Variants in MECOM observed in about 807,000 individuals in gnomAD.
MECOM encodes the protein histone-lysine N-methyltransferase MECOM.
Under a neutral mutation model 116.3 loss-of-function variants are expected in MECOM, and 13 were observed. That is an observed-to-expected ratio of 0.11 (90% CI 0.07 to 0.18). MECOM has a LOEUF of 0.18. Among genes scored for constraint, MECOM ranks in the 10% least tolerant of loss-of-function variants. MECOM has a pLI of 1.00. For synonymous variants in MECOM, 528 were observed against 535.2 expected (o/e 0.99, Z 0.19); for missense variants, 1,299 against 1,509.0 (o/e 0.86, Z 2.31).
At chr3:169,201,733 G>A (rs1014778825) in intron 2 of MECOM, among the ~76,000 whole-genome samples, 4 of 152,024 alleles carry the variant, frequency 2.6e-5, no homozygotes, top group Admixed American at 6.6e-5. Context: ...CTAAACGATC[G>A]TACATTTCCA....
chr3:169,637,859 G>A (rs989795087), intron 1 of MECOM, among the ~76,000 whole-genome samples: 1 of 152,198 alleles, frequency 6.6e-6, no homozygotes, highest in African/African-American at 2.4e-5. Flanking sequence ...CACACACAGT[G>A]CAAGGTAATG....
At chr3:169,225,726 C>T (rs1752646760) in intron 2 of MECOM, among the ~76,000 whole-genome samples, 2 of 152,228 alleles carry the variant, frequency 1.3e-5, no homozygotes, top group Admixed American at 6.5e-5. Flanking sequence ...TCTTCTGCCT[C>T]AGCCTCCTGC....
intron 1 of MECOM, among the ~76,000 whole-genome samples, chr3:169,452,757 C>T (rs995972996): frequency 6.6e-6 from 1 of 152,146 alleles, no homozygotes; most frequent in Admixed American, 6.5e-5. Context: ...TGAATGAATA[C>T]CTAATTTGGC....
chr3:169,510,267 C>T (rs1755810967), intron 1 of MECOM, among the ~76,000 whole-genome samples: 1 of 152,278 alleles, frequency 6.6e-6, no homozygotes, highest in South Asian at 2.1e-4. Flanking sequence ...GGAGTGTCCC[C>T]CCACCCCCCT....
chr3:169,395,322 C>A (rs2421647), intron 1 of MECOM, among the ~76,000 whole-genome samples: 86,281 of 152,036 alleles, frequency 0.57, 24,930 homozygotes, highest in East Asian at 0.9. Context: ...AGCCAAAGCA[C>A]ACCAATTTTA....
intron 1 of MECOM, among the ~76,000 whole-genome samples, chr3:169,403,643 T>A (rs1396260394): frequency 6.6e-6 from 1 of 152,208 alleles, no homozygotes; most frequent in Non-Finnish European, 1.5e-5. Flanking sequence ...GAAAAGAGAA[T>A]GACGATAAAT....
At chr3:169,537,696 A>G (rs1199329738) in intron 1 of MECOM, among the ~76,000 whole-genome samples, 1 of 149,598 alleles carries the variant, frequency 6.7e-6, no homozygotes, top group East Asian at 2.0e-4. Context: ...ATATACTGAT[A>G]TAGTACATGC....
intron 2 of MECOM, among the ~76,000 whole-genome samples, chr3:169,205,226 G>T (rs569575941): frequency 1.7e-4 from 26 of 152,272 alleles, no homozygotes; most frequent in African/African-American, 5.3e-4. Flanking sequence ...CAAAAACAGG[G>T]TTTATAATGG....
At chr3:169,190,506 A>T (rs901510634) in intron 2 of MECOM, among the ~76,000 whole-genome samples, 1 of 152,130 alleles carries the variant, frequency 6.6e-6, no homozygotes, top group Non-Finnish European at 1.5e-5. Flanking sequence ...TTGTGACCTC[A>T]TACTGCTTAG....
At chr3:169,220,196 G>T (rs1751957670) in intron 2 of MECOM, among the ~76,000 whole-genome samples, 1 of 151,914 alleles carries the variant, frequency 6.6e-6, no homozygotes, top group African/African-American at 2.4e-5. Flanking sequence ...CAGGCATGGT[G>T]GTGCACACTG....
chr3:169,648,994 G>A (rs1774523773), intron 1 of MECOM, among the ~76,000 whole-genome samples: 1 of 152,156 alleles, frequency 6.6e-6, no homozygotes, highest in Non-Finnish European at 1.5e-5. Flanking sequence ...ACTGCACAAA[G>A]GATAAAATAC....
intron 1 of MECOM, among the ~76,000 whole-genome samples, chr3:169,634,251 C>A (rs531911105): frequency 2.7e-4 from 36 of 134,058 alleles, no homozygotes; most frequent in Admixed American, 1.9e-3. Context: ...AACACACACA[C>A]ACACACACAC....
At chr3:169,621,485 G>A (rs539857201) in intron 1 of MECOM, among the ~76,000 whole-genome samples, 5 of 152,232 alleles carry the variant, frequency 3.3e-5, no homozygotes, top group Middle Eastern at 3.4e-3. Context: ...GGCCGGGCAC[G>A]GTGGCTCACA....
At chr3:169,552,217 A>C (rs995001243) in intron 1 of MECOM, among the ~76,000 whole-genome samples, 6 of 123,412 alleles carry the variant, frequency 4.9e-5, no homozygotes, top group Non-Finnish European at 7.0e-5. Flanking sequence ...AAATTTGAGA[A>C]ACCTCTTGGT....
intron 2 of MECOM, among the ~76,000 whole-genome samples, chr3:169,305,174 T>C (rs183084683): frequency 6.6e-6 from 1 of 152,334 alleles, no homozygotes; most frequent in Non-Finnish European, 1.5e-5. Flanking sequence ...GGTTTATTTA[T>C]TGTGGTAGTT....
At chr3:169,197,747 A>G (rs897631174) in intron 2 of MECOM, among the ~76,000 whole-genome samples, 1 of 151,972 alleles carries the variant, frequency 6.6e-6, no homozygotes, top group African/African-American at 2.4e-5. Flanking sequence ...GAAGTGATGA[A>G]CTCAATAAAG....
chr3:169,508,769 T>G (rs190626159), intron 1 of MECOM, among the ~76,000 whole-genome samples: 5 of 152,326 alleles, frequency 3.3e-5, no homozygotes, highest in Admixed American at 3.3e-4. Context: ...GATGTAACAT[T>G]CCTTTCTGAT....
At chr3:169,178,576 GT>G (rs1577263133) in intron 2 of MECOM, among the ~76,000 whole-genome samples, 2 of 152,090 alleles carry the variant, frequency 1.3e-5, no homozygotes, top group East Asian at 3.8e-4. Flanking sequence ...GTGCAATCAG[GT>G]CATGTTTGCC....
At chr3:169,232,888 T>G (rs1753576346) in intron 2 of MECOM, among the ~76,000 whole-genome samples, 1 of 152,084 alleles carries the variant, frequency 6.6e-6, no homozygotes, top group African/African-American at 2.4e-5. Context: ...ATAAGCAGCC[T>G]TTTCATGTAT....
Sources: gnomAD v4.1 joint callset for allele counts (sites outside exome capture counted in the v4.1 genomes callset) on GRCh38, gnomAD v4.1.1 for gene constraint, MANE v1.5 for transcripts, NCBI Gene and HGNC (gene_info 2026-07-23, HGNC 2026-07-21) for gene names.